The following TOX variants were observed in gnomAD, a reference collection of about 807,000 sequenced individuals.
The protein encoded by TOX is thymocyte selection associated high mobility group box, also known as thymocyte selection-associated high mobility group box protein TOX.
Under a neutral mutation model 53.7 loss-of-function variants are expected in TOX, and 11 were observed. The observed-to-expected ratio is 0.20, with a 90% CI of 0.13 to 0.34. TOX has a LOEUF of 0.34. Among genes scored for constraint, TOX ranks in the 10% least tolerant of loss-of-function variants. TOX has a pLI of 1.00. For missense variants in TOX, 570 were observed against 664.6 expected (o/e 0.86, Z 1.56); for synonymous variants, 225 against 245.3 (o/e 0.92, Z 0.77).
chr8:58,975,933 G>C (rs561032035), intron 1 of TOX, among the ~76,000 whole-genome samples: 1 of 152,088 alleles, frequency 6.6e-6, no homozygotes, highest in Non-Finnish European at 1.5e-5. Flanking sequence ...TTAGCCAGGC[G>C]TGATGGCGTG....
chr8:59,113,683 G>GTTC (rs1805057564), intron 1 of TOX, among the ~76,000 whole-genome samples: 1 of 152,096 alleles, frequency 6.6e-6, no homozygotes, highest in African/African-American at 2.4e-5. Context: ...GATTGGGGAG[G>GTTC]AGACTAGCAA....
chr8:59,102,093 G>T (rs1316358687), intron 1 of TOX, among the ~76,000 whole-genome samples: 1 of 152,184 alleles, frequency 6.6e-6, no homozygotes, highest in African/African-American at 2.4e-5. Flanking sequence ...AAAGAAAGAG[G>T]TTTATTGGAC....
chr8:58,914,858 G>A (rs1407736050), intron 3 of TOX, among the ~76,000 whole-genome samples: 1 of 151,952 alleles, frequency 6.6e-6, no homozygotes, highest in Non-Finnish European at 1.5e-5. Flanking sequence ...CCGTGCGCGA[G>A]CCGAAGCAGG....
chr8:58,978,581 A>T (rs957099629), intron 1 of TOX, among the ~76,000 whole-genome samples: 4 of 152,170 alleles, frequency 2.6e-5, no homozygotes, highest in South Asian at 2.1e-4. Context: ...TTAGTTTTTT[A>T]AAAAATCTAC....
chr8:58,808,764 G>T (rs111612235), intron 7 of TOX, among the ~76,000 whole-genome samples: 23 of 152,266 alleles, frequency 1.5e-4, no homozygotes, highest in African/African-American at 4.8e-4. Context: ...CAGTCACAAA[G>T]GGACCATCTG....
chr8:59,062,056 G>A (rs538708770), intron 1 of TOX, among the ~76,000 whole-genome samples: 2 of 152,270 alleles, frequency 1.3e-5, no homozygotes, highest in East Asian at 3.9e-4. Flanking sequence ...TCTCCAGTGT[G>A]TCTCTAACCC....
chr8:58,866,762 G>A (rs1811110776), intron 3 of TOX, among the ~76,000 whole-genome samples: 1 of 152,208 alleles, frequency 6.6e-6, no homozygotes, highest in South Asian at 2.1e-4. Context: ...AGAATGTTAA[G>A]TATGTGTGCT....
At position 58,977,744 on chromosome 8, in the gene TOX, G is replaced by A. The variant is rs560710662; in HGVS notation, c.103-17736C>T. Among the ~76,000 whole-genome samples the A allele has an allele frequency of 1.6e-4, 25 of 152,262 alleles. 1 individual carries two copies. The South Asian group carries it at 5.2e-3, about 32-fold the overall frequency. ...TCTGAGGAGAGGGGGAAAAATAGGA[G>A]AGCGGCCAGTCAGTGCAGTGGTCAG... On this transcript the variant is annotated intron_variant, in intron 1 of 8. Coordinates refer to ENST00000361421, the MANE Select transcript of TOX (RefSeq NM_014729.3).
intron 1 of TOX, among the ~76,000 whole-genome samples, chr8:59,085,327 A>G (rs976796523): frequency 3.3e-5 from 5 of 152,230 alleles, no homozygotes; most frequent in African/African-American, 1.2e-4. Context: ...AATGTAATCA[A>G]ACTTTTTTTA....
chr8:58,984,239 G>A (rs1473489748), intron 1 of TOX, among the ~76,000 whole-genome samples: 2 of 152,098 alleles, frequency 1.3e-5, no homozygotes, highest in Non-Finnish European at 2.9e-5. Context: ...CACAGAATAG[G>A]AGAAAATATT....
intron 3 of TOX, among the ~76,000 whole-genome samples, chr8:58,911,753 G>T (rs550810875): frequency 6.6e-6 from 1 of 152,168 alleles, no homozygotes; most frequent in East Asian, 1.9e-4. Context: ...GCCCAGGCTG[G>T]AGTGCAATGG....
chr8:59,018,089 G>T (rs1412652009), intron 1 of TOX, among the ~76,000 whole-genome samples: 1 of 151,774 alleles, frequency 6.6e-6, no homozygotes, highest in Non-Finnish European at 1.5e-5. Flanking sequence ...TTTTATTTAG[G>T]ACCATAAATT....
At chr8:59,106,701 C>G (rs1312383437) in intron 1 of TOX, among the ~76,000 whole-genome samples, 1 of 152,128 alleles carries the variant, frequency 6.6e-6, no homozygotes, top group Non-Finnish European at 1.5e-5. Flanking sequence ...ATTCACATTC[C>G]TGCCGGGTTG....
At chr8:58,879,902 C>A (rs1043709802) in intron 3 of TOX, among the ~76,000 whole-genome samples, 1 of 152,158 alleles carries the variant, frequency 6.6e-6, no homozygotes, top group African/African-American at 2.4e-5. Flanking sequence ...TGTACTGGTA[C>A]AACCCATTTT....
At chr8:59,077,357 G>T (rs941122233) in intron 1 of TOX, among the ~76,000 whole-genome samples, 3 of 152,116 alleles carry the variant, frequency 2.0e-5, no homozygotes, top group East Asian at 3.8e-4. Flanking sequence ...CAGGAAAATC[G>T]ATCACCTGTT....
chr8:58,946,966 T>G (rs1360068697), intron 2 of TOX, among the ~76,000 whole-genome samples: 1 of 152,166 alleles, frequency 6.6e-6, no homozygotes, highest in Admixed American at 6.5e-5. Context: ...GTTGCATTTA[T>G]GGGTATTTGT....
At chr8:59,033,500 C>T (rs1465552069) in intron 1 of TOX, among the ~76,000 whole-genome samples, 1 of 152,182 alleles carries the variant, frequency 6.6e-6, no homozygotes, top group Non-Finnish European at 1.5e-5. Context: ...ACTGCACCTG[C>T]ACACTGAAAA....
intron 3 of TOX, among the ~76,000 whole-genome samples, chr8:58,854,728 A>C (rs1176906778): frequency 6.6e-6 from 1 of 152,146 alleles, no homozygotes; most frequent in African/African-American, 2.4e-5. Context: ...GCAAGCACAA[A>C]TGAGGGAGCA....
At position 59,118,790 on chromosome 8, in the gene TOX, C is replaced by T; in HGVS notation, c.102+96G>A. ...CGAGCCGAGCGCGCCCGGGACCGGC[C>T]TCCGCCAAGCCGGCCCCGCCGCGGC... On this transcript the variant is annotated intron_variant, in intron 1 of 8. Coordinates refer to ENST00000361421, the MANE Select transcript of TOX (RefSeq NM_014729.3). The surrounding 1 kb of genome is among the most constrained non-coding windows in gnomAD (Gnocchi z 4.1). The T allele has an allele frequency of 1.1e-6, 1 of 923,714 alleles. No homozygotes were observed. Among genetic ancestry groups the T allele is most frequent in the Non-Finnish European group, 1.6e-6 (1 of 639,728 alleles). 57.2% of individuals were successfully genotyped at this position (923,714 alleles called of 1,614,324 possible). A position where few individuals can be genotyped will look rare whatever the true frequency, so the allele number is the denominator to read the frequency against.
Sources: allele counts gnomAD v4.1 joint callset (sites outside exome capture counted in the v4.1 genomes callset), GRCh38; gene constraint gnomAD v4.1.1; non-coding constraint Gnocchi (gnomAD v3.1); transcripts MANE v1.5; gene names NCBI Gene and HGNC (gene_info 2026-07-23, HGNC 2026-07-21).